GRN: variants seen among roughly 807,000 people sequenced by gnomAD.
GRN encodes the protein progranulin.
Under a neutral mutation model 66.7 loss-of-function variants are expected in GRN, and 30 were observed. The ratio of observed to expected loss-of-function variants is 0.45; its 90% CI spans 0.34 to 0.61. The LOEUF (loss-of-function observed/expected upper bound fraction) is 0.61. GRN is among the 20% of genes least tolerant of loss of function. The pLI, the probability that GRN is intolerant of heterozygous loss-of-function variation, is 0.01. For synonymous variants in GRN, 327 were observed against 311.1 expected, an observed-to-expected ratio of 1.05 and a Z score of -0.54; for missense variants, 731 against 803.5, an observed-to-expected ratio of 0.91 and a Z score of 1.09.
At chr17:44,348,805 C>T (rs2048344165) in intron 1 of GRN, among the ~76,000 whole-genome samples, 2 of 152,240 alleles carry the variant, frequency 1.3e-5, no homozygotes, top group Admixed American at 6.5e-5. Context: ...CAGAGGTGGC[C>T]CACATCTGCA....
chr17:44,350,186 C>T lies in GRN; in HGVS notation c.350-42C>T, dbSNP rs766310395. On this transcript the variant is annotated intron_variant, in intron 4 of 12. Transcript: ENST00000053867. ...CCTTGTGTGATGGGGGAGTCACCTT[C>T]CCTGAGTGGGCTGGTAGTATCCTGG... 4.5e-5 allele frequency: 63 copies of T among 1,403,556 alleles called. No individual in the cohort carries two copies. The Admixed American group carries it at 1.0e-3, about 23-fold the overall frequency. 86.9% of individuals were successfully genotyped at this position (1,403,556 alleles called of 1,614,324 possible).
intron 1 of GRN, chr17:44,345,601 T>C (rs1378586691): frequency 1.3e-5 from 2 of 152,304 alleles, no homozygotes; most frequent in Non-Finnish European, 2.9e-5. Context: ...GCTCCACCCC[T>C]GTCGGTAGGT....
chr17:44,352,686 A>G lies in GRN; in HGVS notation c.1670A>G (p.His557Arg), dbSNP rs2048390179. Residue 557 changes from histidine to arginine, a missense_variant, in exon 13 of 13, where the codon CAC (histidine) becomes CGC (arginine). This residue lies in a region of GRN where 319 missense variants were observed against 347.2 expected (regional missense o/e 0.92). Transcript: ENST00000053867. ...RQGVCCADRRHCCPAGFRCAA... is the reference protein window; with the variant it reads ...RQGVCCADRRRCCPAGFRCAA... Reference sequence around the variant, plus strand: ...GGCGTCTGTTGTGCTGATCGGCGCCACTGCTGTCCTGCTGGCTTCCGCTGC... The same window carrying G: ...GGCGTCTGTTGTGCTGATCGGCGCCGCTGCTGTCCTGCTGGCTTCCGCTGC... 2 of 1,610,326 alleles carry G rather than the reference A, an allele frequency of 1.2e-6. No homozygotes were observed. Among genetic ancestry groups the G allele is most frequent in the Non-Finnish European group, 8.5e-7 (1 of 1,179,990 alleles).
rs63750007 is a variant in GRN, at chr17:44,352,244, C to T, written c.1409C>T (p.Pro470Leu). Reference protein sequence around the residue: ...LGGSWACCQLPHAVCCEDRQH... With the variant: ...LGGSWACCQLLHAVCCEDRQH... ...GGGAGCTGGGCCTGCTGCCAGTTGC[C>T]CCATGTGAGTGCCTCCCTGCCTGCC... The change falls in exon 11 of 13, where the codon CCC (proline) becomes CTC (leucine). Residue 470 changes from proline (P) to leucine (L), a missense_variant. Pro to Leu is a moderately conservative substitution (Grantham distance 98). Transcript: ENST00000053867. The T allele has an allele frequency of 6.2e-7, 1 of 1,609,896 alleles. No individual in the cohort carries two copies. The highest frequency in any genetic ancestry group is 8.5e-7 in the Non-Finnish European group (1 of 1,178,146).
At chr17:44,347,807 C>T (rs1487259901) in intron 1 of GRN, among the ~76,000 whole-genome samples, 1 of 151,626 alleles carries the variant, frequency 6.6e-6, no homozygotes, top group Non-Finnish European at 1.5e-5. Flanking sequence ...CAAAAATTAG[C>T]CAGGCGTGGT....
chr17:44,350,653 TC>T (rs769384458), intron 6 of GRN, 37 bp from the exon 7 acceptor site: 2 of 1,611,600 alleles, frequency 1.2e-6, no homozygotes, highest in South Asian at 2.2e-5. Flanking sequence ...AAAAGTTTCC[TC>T]CATCCTGGCT....
In GRN at chr17:44,352,780, C is replaced by T. The variant is rs528400944; in HGVS notation, c.1764C>T (p.Ala588=). The T allele has an allele frequency of 2.5e-6, 4 of 1,611,690 alleles. No individual in the cohort carries two copies. The East Asian group carries it at 8.9e-5, about 36-fold the overall frequency. Residue 588 remains alanine, a synonymous_variant, in exon 13 of 13, where the codon GCC becomes GCT. Coordinates refer to ENST00000053867, the MANE Select transcript of GRN (RefSeq NM_002087.4). Reference sequence around the variant, plus strand: ...GGGACGCCCCTTTGAGGGACCCAGCCTTGAGACAGCTGCTGTGAGGGACAG... The same window carrying T: ...GGGACGCCCCTTTGAGGGACCCAGCTTTGAGACAGCTGCTGTGAGGGACAG... ...PRWDAPLRDP[A]LRQLL is the part of the protein sequence containing the mutation.
Position 44,352,984 on chromosome 17 carries a change from C to T in GRN, c.*186C>T, listed in dbSNP as rs2048394040. On this transcript the variant is annotated 3_prime_UTR_variant, in exon 13 of 13. Transcript: ENST00000053867. ...CAGAAGGGGGTTGTGGCAAAAGCCA[C>T]ATTACAAGCTGCCATCCCCTCCCCG... 1.6e-6 allele frequency: 1 copy of T among 645,138 alleles called. No individual in the cohort carries two copies. Among genetic ancestry groups the T allele is most frequent in the South Asian group, 1.8e-5 (1 of 55,008 alleles). The allele number at this position is 645,138 out of a possible 1,614,324, so 40.0% of individuals were successfully genotyped here.
chr17:44,350,163 T>G, intron 4 of GRN, 65 bp from the exon 5 acceptor site: 1 of 1,110,248 alleles, frequency 9.0e-7, no homozygotes, highest in Non-Finnish European at 1.4e-6. Context: ...CACCAGCTCC[T>G]TGTGTGATGG....
rs1567887590 is a variant in GRN at position 44,351,705 on chromosome 17, T to C, written c.1089T>C (p.Asp363=). 6.2e-7 allele frequency: 1 copy of C among 1,613,948 alleles called. No individual in the cohort carries two copies. The highest frequency in any genetic ancestry group is 2.2e-5 in the East Asian group (1 of 44,876). The part of the protein sequence containing the change: ...SLPDPQALKR[D]VPCDNVSSCP... ...CAGACCCACAAGCCTTGAAGAGAGA[T>C]GTCCCCTGTGATAATGTCAGCAGCT... is the stretch of plus-strand genomic sequence containing the variant. Residue 363 remains aspartate, a synonymous_variant, in exon 10 of 13, where the codon GAT becomes GAC. Transcript: ENST00000053867.
rs573858412 is a variant in GRN, at chr17:44,347,821, G to A, written c.-7-1337G>A. On this transcript the variant is annotated intron_variant, in intron 1 of 12. Transcript: ENST00000053867. ...ACAAAAATTAGCCAGGCGTGGTGGC[G>A]AGCGCCTGTAGTCCCAGCTACTTGC... Among the ~76,000 whole-genome samples the A allele has an allele frequency of 7.9e-4, 119 of 151,550 alleles. 1 individual carries two copies. Among genetic ancestry groups the A allele is most frequent in the African/African-American group, 2.6e-3 (107 of 41,372 alleles).
rs977833315 is a variant in GRN, at chr17:44,349,265, C to T, written c.101C>T (p.Pro34Leu). The change falls in exon 2 of 13, where the codon CCC becomes CTC. Residue 34 changes from proline (P) to leucine (L), a missense_variant. Transcript: ENST00000053867. ...QFCPVACCLD[P>L]GGASYSCCRP... is the part of the protein sequence containing the mutation. ...TGCCCTGTGGCCTGCTGCCTGGACC[C>T]CGGAGGAGCCAGCTACAGCTGCTGC... The T allele has an allele frequency of 1.2e-6, 2 of 1,614,000 alleles. No homozygotes were observed. The highest frequency in any genetic ancestry group is 1.7e-6 in the Non-Finnish European group (2 of 1,180,028).
At chr17:44,345,664 G>C (rs1039277033) in intron 1 of GRN, 5 of 152,926 alleles carry the variant, frequency 3.3e-5, no homozygotes, top group African/African-American at 1.2e-4. Context: ...CGGCGGCCTG[G>C]AGCCGGAGGG....
In GRN at chr17:44,352,087, C is replaced by T. The variant is rs63751180; in HGVS notation, c.1252C>T (p.Arg418Ter). ...YTCVAEGQCQ[R>*]GSEIVAGLEK... ...GTGTGTAGCTGAGGGGCAGTGTCAG[C>T]GAGGAAGCGAGATCGTGGCTGGACT... The change falls in exon 11 of 13, where the codon CGA becomes TGA. Residue 418 changes from arginine to a stop codon, truncating the protein, a stop_gained. Transcript: ENST00000053867. LOFTEE classifies it high-confidence loss of function. The T allele has an allele frequency of 4.3e-6, 7 of 1,613,786 alleles. No homozygotes were observed. The highest frequency in any genetic ancestry group is 1.3e-5 in the African/African-American group (1 of 74,994).
In GRN at chr17:44,352,335, C is replaced by T. The variant is rs375688392; in HGVS notation, c.1414-6C>T. Reference sequence around the variant, plus strand: ...TAATGCCATTCTGTGCTCCCTTCCCCGCCAGGCTGTGTGCTGCGAGGATCG... The same window carrying T: ...TAATGCCATTCTGTGCTCCCTTCCCTGCCAGGCTGTGTGCTGCGAGGATCG... On this transcript the variant is annotated splice_polypyrimidine_tract_variant and splice_region_variant and intron_variant, in intron 11 of 12. Coordinates refer to ENST00000053867, the MANE Select transcript of GRN (RefSeq NM_002087.4). 8.7e-6 allele frequency: 14 copies of T among 1,612,072 alleles called. No individual in the cohort carries two copies. The highest frequency in any genetic ancestry group is 5.5e-5 in the South Asian group (5 of 91,054).
At chr17:44,350,619 G>A (rs1453814912) in intron 6 of GRN, 42 bp downstream of exon 6, 1 of 1,612,268 alleles carries the variant, frequency 6.2e-7, no homozygotes, top group Admixed American at 1.7e-5. Context: ...CTGGGGCGGG[G>A]CCTCATTGAC....
chr17:44,352,778 G>A lies in GRN; in HGVS notation c.1762G>A (p.Ala588Thr), dbSNP rs747731138. Residue 588 changes from alanine to threonine, a missense_variant, in exon 13 of 13, where the codon GCC becomes ACC. Transcript: ENST00000053867. ...PRWDAPLRDP[A>T]LRQLL is the part of the protein sequence containing the mutation. ...CTGGGACGCCCCTTTGAGGGACCCA[G>A]CCTTGAGACAGCTGCTGTGAGGGAC... 1.9e-6 allele frequency: 3 copies of A among 1,609,894 alleles called. No individual in the cohort carries two copies. The highest frequency in any genetic ancestry group is 2.5e-6 in the Non-Finnish European group (3 of 1,179,722).
chr17:44,349,251 C>A lies in GRN; in HGVS notation c.87C>A (p.Ala29=), dbSNP rs1294053742. The part of the protein sequence containing the change: ...RCPDGQFCPV[A]CCLDPGGASY... ...CAGATGGTCAGTTCTGCCCTGTGGC[C>A]TGCTGCCTGGACCCCGGAGGAGCCA... The change falls in exon 2 of 13, where the codon GCC becomes GCA. Residue 29 remains alanine (A), a synonymous_variant. Coordinates refer to ENST00000053867, the MANE Select transcript of GRN (RefSeq NM_002087.4). 5 of 1,613,906 alleles carry A rather than the reference C, an allele frequency of 3.1e-6. No individual in the cohort carries two copies. The highest frequency in any genetic ancestry group is 4.2e-6 in the Non-Finnish European group (5 of 1,180,010).
chr17:44,351,936 C>CGGG, intron 10 of GRN, 79 bp from the exon 11 acceptor site: 1 of 1,455,166 alleles, frequency 6.9e-7, no homozygotes, highest in Non-Finnish European at 9.6e-7. Context: ...GCAGGAGAGG[C>CGGG]GGGCTGGAGT....
Sources: gnomAD v4.1 joint callset for allele counts (sites outside exome capture counted in the v4.1 genomes callset) on GRCh38, gnomAD v4.1.1 for gene constraint, gnomAD v4.1.1 regional missense constraint, MANE v1.5 for transcripts, NCBI Gene and HGNC (gene_info 2026-07-23, HGNC 2026-07-21) for gene names.